The following CIRSR variants were observed in gnomAD, a reference collection of about 807,000 sequenced individuals.
CIRSR encodes CBF1 (RBPJ) interacting corepressor 1.
chr2:174,390,310 T>G, the CIRSR span, among the ~76,000 whole-genome samples: 606 of 152,400 alleles, frequency 4.0e-3, no homozygotes, highest in Non-Finnish European at 6.3e-3. Flanking sequence ...GAGATCCTTT[T>G]GGCACTTTAA....
the CIRSR span, chr2:174,348,471 T>C: frequency 3.4e-5 from 53 of 1,569,244 alleles, no homozygotes; most frequent in East Asian, 1.1e-3. Context: ...AATTGTCACA[T>C]ACAGTCTTTC....
At chr2:174,354,645 ATTT>A in the CIRSR span, among the ~76,000 whole-genome samples, 1 of 79,068 alleles carries the variant, frequency 1.3e-5, no homozygotes, top group Non-Finnish European at 2.3e-5. Context: ...TATATTATAT[ATTT>A]TTATATATTA....
the CIRSR span, chr2:174,387,130 T>G: frequency 1.3e-5 from 2 of 152,234 alleles, no homozygotes; most frequent in African/African-American, 4.8e-5. Flanking sequence ...GATTGAAAAC[T>G]GAACTTCATG....
the CIRSR span, among the ~76,000 whole-genome samples, chr2:174,360,071 A>G: frequency 1.2e-4 from 18 of 152,214 alleles, no homozygotes; most frequent in East Asian, 3.3e-3. Context: ...GAGGTGGGGG[A>G]ATGGGGGAGG....
At chr2:174,390,907 C>A in the CIRSR span, among the ~76,000 whole-genome samples, 1 of 152,160 alleles carries the variant, frequency 6.6e-6, no homozygotes, top group African/African-American at 2.4e-5. Context: ...TTCCTGAGGC[C>A]TCCCCAGCCC....
chr2:174,363,925 C>A, the CIRSR span, among the ~76,000 whole-genome samples: 7,442 of 152,204 alleles, frequency 0.049, 210 homozygotes, highest in Middle Eastern at 0.14. Context: ...CCCAATCTCA[C>A]ATCCTCACAT....
chr2:174,362,477 C>T, the CIRSR span, among the ~76,000 whole-genome samples: 1 of 151,720 alleles, frequency 6.6e-6, no homozygotes, highest in Admixed American at 6.6e-5. Context: ...GCTTGAAAGT[C>T]CTCTTATTCT....
At chr2:174,371,133 C>G in the CIRSR span, among the ~76,000 whole-genome samples, 4 of 152,042 alleles carry the variant, frequency 2.6e-5, no homozygotes, top group Non-Finnish European at 4.4e-5. Context: ...AGGCTGGGGA[C>G]TAGAGGGTGA....
At chr2:174,380,619 ATATCT>A in the CIRSR span, 1 of 1,581,014 alleles carries the variant, frequency 6.3e-7, no homozygotes, top group Non-Finnish European at 8.7e-7. Context: ...TTAATGATAC[ATATCT>A]TGTCTTAAAA....
At chr2:174,372,771 AG>A in the CIRSR span, among the ~76,000 whole-genome samples, 9 of 152,078 alleles carry the variant, frequency 5.9e-5, no homozygotes, top group Non-Finnish European at 1.2e-4. Flanking sequence ...TAGTAGAGAC[AG>A]GGTTTCTCAG....
the CIRSR span, among the ~76,000 whole-genome samples, chr2:174,354,440 A>AAT: frequency 1.8e-4 from 8 of 43,784 alleles, no homozygotes; most frequent in Non-Finnish European, 2.6e-4. Context: ...TGATATATAT[A>AAT]ATATATTATA....
At chr2:174,376,892 TG>T in the CIRSR span, among the ~76,000 whole-genome samples, 11 of 152,102 alleles carry the variant, frequency 7.2e-5, no homozygotes, top group Non-Finnish European at 1.0e-4. Context: ...ATTATGGGCA[TG>T]TTTTTTTGAG....
At chr2:174,365,780 C>T in the CIRSR span, among the ~76,000 whole-genome samples, 1 of 152,154 alleles carries the variant, frequency 6.6e-6, no homozygotes, top group Admixed American at 6.5e-5. Context: ...GTCCTTCCCA[C>T]AACACGTGGG....
the CIRSR span, among the ~76,000 whole-genome samples, chr2:174,361,607 T>C: frequency 6.6e-6 from 1 of 152,228 alleles, no homozygotes; most frequent in South Asian, 2.1e-4. Context: ...AGTGCAGCAT[T>C]CTTCAAGAAA....
the CIRSR span, among the ~76,000 whole-genome samples, chr2:174,374,834 C>T: frequency 6.6e-6 from 1 of 152,214 alleles, no homozygotes; most frequent in African/African-American, 2.4e-5. Context: ...AGCATCCTTC[C>T]TGTCATTTAG....
chr2:174,367,070 T>C, the CIRSR span, among the ~76,000 whole-genome samples: 11 of 152,128 alleles, frequency 7.2e-5, no homozygotes, highest in Non-Finnish European at 1.5e-4. Context: ...GGGTAATGAA[T>C]AGAAAACAAT....
the CIRSR span, among the ~76,000 whole-genome samples, chr2:174,357,005 G>A: frequency 2.0e-5 from 3 of 151,796 alleles, no homozygotes; most frequent in Non-Finnish European, 2.9e-5. Flanking sequence ...AAATGTCATC[G>A]AATAGTCAAC....
At chr2:174,389,700 C>T in the CIRSR span, among the ~76,000 whole-genome samples, 153 of 152,272 alleles carry the variant, frequency 1.0e-3, 1 homozygote, top group Admixed American at 0.01. Flanking sequence ...GCAGCCCCTC[C>T]CATCATAGGC....
chr2:174,378,235 A>G, the CIRSR span, among the ~76,000 whole-genome samples: 1 of 152,242 alleles, frequency 6.6e-6, no homozygotes, highest in Non-Finnish European at 1.5e-5. Flanking sequence ...CTTATTTTAA[A>G]ATAAGGAGCT....
Sources: gnomAD v4.1 joint callset for allele counts (sites outside exome capture counted in the v4.1 genomes callset) on GRCh38, gnomAD v4.1.1 for gene constraint, MANE v1.5 for transcripts, NCBI Gene and HGNC (gene_info 2026-07-23, HGNC 2026-07-21) for gene names.